SPACDR: variants seen among roughly 807,000 people sequenced by gnomAD.
SPACDR encodes sperm acrosome developmental regulator, also known as uncharacterized protein C7orf61.
the SPACDR span, among the ~76,000 whole-genome samples, chr7:100,458,669 T>C: frequency 6.6e-6 from 1 of 152,220 alleles, no homozygotes; most frequent in Non-Finnish European, 1.5e-5. Context: ...CTCATGCCTA[T>C]AATCCCAGCA....
the SPACDR span, chr7:100,456,877 G>A: frequency 3.7e-6 from 6 of 1,613,606 alleles, no homozygotes; most frequent in East Asian, 2.2e-5. Context: ...AGGTGTTTCC[G>A]AACGGCCCAC....
chr7:100,463,462 C>A, the SPACDR span: 1 of 1,613,718 alleles, frequency 6.2e-7, no homozygotes, highest in African/African-American at 1.3e-5. Flanking sequence ...GGGATTGGCC[C>A]TGTTGGCCCA....
chr7:100,463,986 C>T, the SPACDR span: 4 of 1,608,514 alleles, frequency 2.5e-6, no homozygotes, highest in Non-Finnish European at 3.4e-6. Flanking sequence ...CTTTGCCAAG[C>T]CCGTCTAACC....
chr7:100,463,398 C>T, the SPACDR span: 3 of 1,611,442 alleles, frequency 1.9e-6, no homozygotes, highest in Non-Finnish European at 2.5e-6. Flanking sequence ...CTCTGCAGGG[C>T]AGAGACCATG....
At chr7:100,458,195 G>GGTGTGTGTGT in the SPACDR span, among the ~76,000 whole-genome samples, 7 of 137,014 alleles carry the variant, frequency 5.1e-5, no homozygotes, top group Non-Finnish European at 9.3e-5. Flanking sequence ...TGTACTCACT[G>GGTGTGTGTGT]GTGTGTGTGT....
chr7:100,462,415 A>T, the SPACDR span, among the ~76,000 whole-genome samples: 1 of 151,674 alleles, frequency 6.6e-6, no homozygotes. Context: ...GGGTTTCACC[A>T]TGTTAGCCAG....
At chr7:100,460,197 A>G in the SPACDR span, among the ~76,000 whole-genome samples, 1 of 150,262 alleles carries the variant, frequency 6.7e-6, no homozygotes, top group South Asian at 2.2e-4. Context: ...CCTCACATTT[A>G]GATTTTTGTG....
chr7:100,456,635 A>T, the SPACDR span: 1 of 757,910 alleles, frequency 1.3e-6, no homozygotes, highest in Non-Finnish European at 2.1e-6. Flanking sequence ...ACTATCTGAT[A>T]TTTATTTCCC....
chr7:100,464,240 A>G, the SPACDR span: 1 of 1,430,868 alleles, frequency 7.0e-7, no homozygotes. Context: ...TCCCTGGGAC[A>G]GGGAGAGGAG....
chr7:100,458,049 A>C, the SPACDR span, among the ~76,000 whole-genome samples: 1 of 151,530 alleles, frequency 6.6e-6, no homozygotes, highest in East Asian at 1.9e-4. Context: ...AATTGGAAGA[A>C]ATCATAGAGA....
the SPACDR span, chr7:100,463,805 T>A: frequency 8.1e-7 from 1 of 1,239,898 alleles, no homozygotes; most frequent in Admixed American, 1.9e-5. Flanking sequence ...CTCTCTTCCT[T>A]CTCCTCCAGC....
chr7:100,457,839 GTGTATATA>G, the SPACDR span, among the ~76,000 whole-genome samples: 103 of 115,918 alleles, frequency 8.9e-4, no homozygotes, highest in African/African-American at 3.6e-3. Context: ...GTGTGTGTGT[GTGTATATA>G]TATATATATA....
the SPACDR span, chr7:100,463,479 C>G: frequency 1.9e-6 from 3 of 1,613,890 alleles, no homozygotes; most frequent in Non-Finnish European, 2.5e-6. Context: ...CCCAGCTCCA[C>G]CTCGGTCTCC....
the SPACDR span, chr7:100,463,586 T>C: frequency 6.2e-7 from 1 of 1,613,844 alleles, no homozygotes; most frequent in Non-Finnish European, 8.5e-7. Flanking sequence ...CCTCAAAGTC[T>C]CAACCACCTG....
chr7:100,459,892 G>A, the SPACDR span, among the ~76,000 whole-genome samples: 1 of 151,260 alleles, frequency 6.6e-6, no homozygotes, highest in South Asian at 2.1e-4. Context: ...TCCACATTTA[G>A]ATTTTTTTTT....
the SPACDR span, among the ~76,000 whole-genome samples, chr7:100,461,384 T>G: frequency 6.6e-6 from 1 of 151,916 alleles, no homozygotes. Context: ...TCCAGCAGAC[T>G]TCCCACTTCA....
chr7:100,463,515 G>A, the SPACDR span: 5 of 1,613,958 alleles, frequency 3.1e-6, no homozygotes, highest in Non-Finnish European at 4.2e-6. Flanking sequence ...AACACGCAGG[G>A]ATCTGCCAGC....
chr7:100,464,077 G>A, the SPACDR span: 12 of 1,539,838 alleles, frequency 7.8e-6, no homozygotes, highest in East Asian at 7.4e-5. Flanking sequence ...CATTTGGTAC[G>A]GTGGGGGTGG....
the SPACDR span, among the ~76,000 whole-genome samples, chr7:100,460,832 G>T: frequency 2.6e-5 from 4 of 152,092 alleles, no homozygotes; most frequent in African/African-American, 9.6e-5. Context: ...TAGAGATGGG[G>T]TCTCCCTGTG....
Sources: gnomAD v4.1 joint callset for allele counts (sites outside exome capture counted in the v4.1 genomes callset) on GRCh38, gnomAD v4.1.1 for gene constraint, MANE v1.5 for transcripts, NCBI Gene and HGNC (gene_info 2026-07-23, HGNC 2026-07-21) for gene names.